Variants in SEC14L2 observed in about 807,000 individuals in gnomAD.
SEC14L2 encodes the protein SEC14-like protein 2.
Under a neutral mutation model 56.9 loss-of-function variants are expected in SEC14L2, and 50 were observed. The observed-to-expected ratio is 0.88, with a 90% confidence interval of 0.70 to 1.11. SEC14L2 has a LOEUF of 1.11. Among genes scored for constraint, SEC14L2 ranks in the 50% most tolerant of loss-of-function variants. SEC14L2 has a pLI of 0.00. For missense variants in SEC14L2, 414 were observed against 500.7 expected (o/e 0.83, Z 1.65); for synonymous variants, 179 against 188.5 (o/e 0.95, Z 0.41).
chr22:30,422,034 C>G (rs772572336), intron 11 of SEC14L2, among the ~76,000 whole-genome samples: 1 of 152,188 alleles, frequency 6.6e-6, no homozygotes, highest in Non-Finnish European at 1.5e-5. Flanking sequence ...CTGGTACAGA[C>G]GAGATGGTCT....
At chr22:30,420,131 T>C (rs1934479041) in intron 11 of SEC14L2, among the ~76,000 whole-genome samples, 1 of 152,124 alleles carries the variant, frequency 6.6e-6, no homozygotes, top group Non-Finnish European at 1.5e-5. Flanking sequence ...TTTTGTATTT[T>C]TAGTAGAGAT....
Position 30,422,432 on chromosome 22 carries a change from C to T in SEC14L2, c.*25C>T. ...ACACCTTCTCCTATAGCAGGCCTGG[C>T]CCCCTCAGTGTCTCCCTGTCAATTT... On this transcript the variant is annotated 3_prime_UTR_variant, in exon 12 of 12. Coordinates refer to ENST00000615189, the MANE Select transcript of SEC14L2 (RefSeq NM_012429.5). The T allele has an allele frequency of 2.5e-6, 4 of 1,613,354 alleles. No homozygotes were observed. Among genetic ancestry groups the T allele is most frequent in the Non-Finnish European group, 3.4e-6 (4 of 1,179,682 alleles).
chr22:30,404,012 A>C (rs1401019871), intron 2 of SEC14L2, among the ~76,000 whole-genome samples: 4 of 108,038 alleles, frequency 3.7e-5, no homozygotes, highest in Non-Finnish European at 5.9e-5. Flanking sequence ...TCCGTCTCAA[A>C]AAAAAAAAAA....
intron 8 of SEC14L2, among the ~76,000 whole-genome samples, chr22:30,411,262 T>TA (rs1266031831): frequency 2.6e-5 from 4 of 151,172 alleles, no homozygotes; most frequent in Admixed American, 6.6e-5. Context: ...CCTTGTTTTT[T>TA]AAAAAAAGAC....
chr22:30,406,199 T>C, intron 2 of SEC14L2, 143 bp from the exon 3 acceptor site: 1 of 705,734 alleles, frequency 1.4e-6, no homozygotes, highest in South Asian at 2.0e-5. Flanking sequence ...TCATGTTAGC[T>C]TCTGCTTGTA....
intron 2 of SEC14L2, among the ~76,000 whole-genome samples, chr22:30,401,662 C>T (rs1028362153): frequency 5.4e-5 from 8 of 147,288 alleles, no homozygotes; most frequent in Non-Finnish European, 1.0e-4. Flanking sequence ...TACAGGCATG[C>T]GCCACCACGC....
At chr22:30,397,728 A>G in intron 1 of SEC14L2, 1 of 399,564 alleles carries the variant, frequency 2.5e-6, no homozygotes, top group Non-Finnish European at 5.2e-6. Context: ...TGAAGGGAAC[A>G]CCTCCGTGTG....
chr22:30,411,025 G>A (rs1270642276), intron 8 of SEC14L2, among the ~76,000 whole-genome samples: 1 of 152,240 alleles, frequency 6.6e-6, no homozygotes, highest in African/African-American at 2.4e-5. Flanking sequence ...AACACTGGGA[G>A]GCTCAGGTGA....
rs1934611596 is a variant in SEC14L2, at chr22:30,424,318, C to T, written c.*1911C>T. The T allele has an allele frequency of 6.1e-6, 1 of 163,264 alleles. No individual in the cohort carries two copies. Among genetic ancestry groups the T allele is most frequent in the Non-Finnish European group, 1.4e-5 (1 of 73,574 alleles). The allele number at this position is 163,264 out of a possible 1,614,324, so 10.1% of individuals were successfully genotyped here. ...GGGTGGGAACCGCTGCGTTCCCCAT[C>T]AACTTTTCTCCCACCCACCACCCTC... is the stretch of plus-strand genomic sequence containing the variant. On this transcript the variant is annotated 3_prime_UTR_variant, in exon 12 of 12. Transcript: ENST00000615189.
intron 2 of SEC14L2, among the ~76,000 whole-genome samples, chr22:30,401,833 C>A (rs1433747332): frequency 6.6e-6 from 1 of 151,886 alleles, no homozygotes; most frequent in Non-Finnish European, 1.5e-5. Context: ...ATCAAGTGAT[C>A]CTCCCACCTC....
In SEC14L2 at chr22:30,399,022, T is replaced by A. The variant is rs5997638; in HGVS notation, c.55-621T>A. Among the ~76,000 whole-genome samples the A allele has an allele frequency of 3.4e-3, 523 of 152,262 alleles. 2 individuals carry two copies. The highest frequency in any genetic ancestry group is 0.012 in the African/African-American group (500 of 41,552). On this transcript the variant is annotated intron_variant, in intron 1 of 11. Coordinates refer to ENST00000615189, the MANE Select transcript of SEC14L2 (RefSeq NM_012429.5). ...CTGACAGCTTTTACTGCAGTCCGTATCAGAGTGCCTACTATCACGATTAGC... is the reference window on the plus strand; with the variant it reads ...CTGACAGCTTTTACTGCAGTCCGTAACAGAGTGCCTACTATCACGATTAGC...
At position 30,409,462 on chromosome 22, in the gene SEC14L2, C is replaced by T. The variant is rs1211186342; in HGVS notation, c.556C>T (p.Leu186=). 1 of 1,614,152 alleles carries T rather than the reference C, an allele frequency of 6.2e-7. No homozygotes were observed. Among genetic ancestry groups the T allele is most frequent in the East Asian group, 2.2e-5 (1 of 44,880 alleles). ...CMFEENYPET[L]KRLFVVKAPK... ...GTTTGAGGAAAATTATCCCGAAACA[C>T]TGAAGCGTCTTTTTGTTGTTAAAGG... The change falls in exon 7 of 12, where the codon CTG becomes TTG. Residue 186 remains leucine, a synonymous_variant. Transcript: ENST00000615189.
chr22:30,402,793 C>A (rs941466605), intron 2 of SEC14L2, among the ~76,000 whole-genome samples: 1 of 149,760 alleles, frequency 6.7e-6, no homozygotes, highest in East Asian at 2.0e-4. Flanking sequence ...CAACAAAAAA[C>A]CAAGGCCTGG....
chr22:30,407,179 T>A, intron 4 of SEC14L2, 25 bp downstream of exon 4: 1 of 1,612,780 alleles, frequency 6.2e-7, no homozygotes, highest in Non-Finnish European at 8.5e-7. Flanking sequence ...TCCCACCTCA[T>A]CCCTATGCTA....
intron 2 of SEC14L2, among the ~76,000 whole-genome samples, chr22:30,403,785 T>C (rs112460255): frequency 6.6e-6 from 1 of 152,020 alleles, no homozygotes; most frequent in African/African-American, 2.4e-5. Context: ...AGGTGGATCA[T>C]GAGGTCAGGA....
At chr22:30,401,664 C>T (rs1049346727) in intron 2 of SEC14L2, among the ~76,000 whole-genome samples, 1 of 145,970 alleles carries the variant, frequency 6.9e-6, no homozygotes, top group Non-Finnish European at 1.5e-5. Context: ...CAGGCATGCG[C>T]CACCACGCCC....
chr22:30,397,668 T>A (rs888768550), intron 1 of SEC14L2: 45 of 336,726 alleles, frequency 1.3e-4, no homozygotes, highest in Non-Finnish European at 2.4e-5. Flanking sequence ...ACCCTGCCCT[T>A]CTCTTTGCTC....
At chr22:30,421,575 A>T (rs985990065) in intron 11 of SEC14L2, 1 of 152,230 alleles carries the variant, frequency 6.6e-6, no homozygotes, top group Non-Finnish European at 1.5e-5. Context: ...ATCTCTTATT[A>T]TTACAAATAG....
chr22:30,416,047 C>G lies in SEC14L2; in HGVS notation c.871C>G (p.Gln291Glu). 1 of 1,614,266 alleles carries G rather than the reference C, an allele frequency of 6.2e-7. No individual in the cohort carries two copies. The highest frequency in any genetic ancestry group is 8.5e-7 in the Non-Finnish European group (1 of 1,180,054). ...SVQISRGSSH[Q>E]VEYEILFPGC... is the part of the protein sequence containing the mutation. ...GCAGATTTCCCGTGGCTCCTCCCAC[C>G]AAGTGGAGTATGAGATCCTCTTCCC... is the stretch of plus-strand genomic sequence containing the variant. The change falls in exon 10 of 12, where the codon CAA (glutamine) becomes GAA (glutamate). Residue 291 changes from glutamine to glutamate, a missense_variant. Gln to Glu is a conservative substitution (Grantham distance 29). Transcript: ENST00000615189.
Sources: allele counts gnomAD v4.1 joint callset (sites outside exome capture counted in the v4.1 genomes callset), GRCh38; gene constraint gnomAD v4.1.1; transcripts MANE v1.5; gene names NCBI Gene and HGNC (gene_info 2026-07-23, HGNC 2026-07-21).